Variants in C6 observed in about 807,000 individuals in gnomAD.
C6 encodes complement C6.
C6 carries 101 observed loss-of-function variants against 112.9 expected under a neutral mutation model. That is an observed-to-expected ratio of 0.89 (90% CI 0.76 to 1.06). C6 has a LOEUF of 1.06. C6 is among the 50% of genes least tolerant of loss of function. C6 has a pLI of 0.00. For missense variants in C6, 1,202 were observed against 1,104.6 expected, an observed-to-expected ratio of 1.09 and a Z score of -1.25; for synonymous variants, 431 against 384.1, an observed-to-expected ratio of 1.12 and a Z score of -1.43.
chr5:41,200,522 T>C (rs1425515135), intron 3 of C6, among the ~76,000 whole-genome samples: 3 of 152,166 alleles, frequency 2.0e-5, no homozygotes, highest in Non-Finnish European at 4.4e-5. Context: ...GAGCAATAAC[T>C]TTCTCATCTG....
chr5:41,143,530 C>T (rs1011507284), intron 17 of C6, among the ~76,000 whole-genome samples: 4 of 152,214 alleles, frequency 2.6e-5, no homozygotes, highest in Admixed American at 1.3e-4. Context: ...ACTGTGAAGC[C>T]ACACAATATG....
In C6 at chr5:41,155,091, A is replaced by G; in HGVS notation, c.1982T>C (p.Leu661Pro). Reference sequence around the variant, plus strand: ...TTCAACATCTTCTCCAACCAAGTATAGTTGCTTTTCATTCTTAATTAAAGC... The same window carrying G: ...TTCAACATCTTCTCCAACCAAGTATGGTTGCTTTTCATTCTTAATTAAAGC... ...ENGFIRNEKQLYLVGEDVEIS... is the reference protein window; with the variant it reads ...ENGFIRNEKQPYLVGEDVEIS... Residue 661 changes from leucine to proline, a missense_variant, in exon 14 of 18, where the codon CTA (leucine) becomes CCA (proline). Transcript: ENST00000337836. The G allele has an allele frequency of 6.2e-7, 1 of 1,613,572 alleles. No individual in the cohort carries two copies. Among genetic ancestry groups the G allele is most frequent in the South Asian group, 1.1e-5 (1 of 91,074 alleles).
chr5:41,243,266 T>A (rs1740838768), intron 1 of C6, among the ~76,000 whole-genome samples: 1 of 152,232 alleles, frequency 6.6e-6, no homozygotes, highest in Non-Finnish European at 1.5e-5. Flanking sequence ...TCACTTTACC[T>A]CCACACATTT....
chr5:41,187,859 T>C (rs887868646), intron 5 of C6, among the ~76,000 whole-genome samples: 2 of 152,102 alleles, frequency 1.3e-5, no homozygotes, highest in African/African-American at 4.8e-5. Context: ...ATACTATCTC[T>C]CCCATTTTTT....
At chr5:41,151,971 C>A (rs1746438738) in intron 15 of C6, among the ~76,000 whole-genome samples, 1 of 150,418 alleles carries the variant, frequency 6.6e-6, no homozygotes, top group East Asian at 1.9e-4. Context: ...AGCTATTAAT[C>A]CCTGCATGGC....
At chr5:41,159,443 C>T (rs1333581290) in intron 11 of C6, 190 bp from the exon 12 acceptor site, 1 of 985,096 alleles carries the variant, frequency 1.0e-6, no homozygotes, top group Non-Finnish European at 1.2e-6. Flanking sequence ...TCCTTTTAGA[C>T]TTTGTTCCCA....
intron 8 of C6, among the ~76,000 whole-genome samples, chr5:41,174,412 A>C (rs1748676757): frequency 6.6e-6 from 1 of 152,202 alleles, no homozygotes; most frequent in South Asian, 2.1e-4. Context: ...TGTTAGTTGA[A>C]AATTTCACAT....
At chr5:41,150,474 A>G (rs1322702087) in intron 15 of C6, among the ~76,000 whole-genome samples, 1 of 152,216 alleles carries the variant, frequency 6.6e-6, no homozygotes, top group East Asian at 1.9e-4. Flanking sequence ...TGCCTTTCTT[A>G]GGGCTATCAA....
At chr5:41,170,878 G>A (rs2150298226) in intron 9 of C6, among the ~76,000 whole-genome samples, 1 of 152,274 alleles carries the variant, frequency 6.6e-6, no homozygotes, top group Non-Finnish European at 1.5e-5. Flanking sequence ...GCAAGGCATA[G>A]GAGAGAGCAT....
At chr5:41,187,992 C>A (rs1433487638) in intron 5 of C6, among the ~76,000 whole-genome samples, 8 of 152,016 alleles carry the variant, frequency 5.3e-5, no homozygotes, top group Admixed American at 3.9e-4. Flanking sequence ...TAGCAATGAA[C>A]AATCCAAAAA....
In C6 at chr5:41,181,432, T is replaced by C; in HGVS notation, c.854A>G (p.Tyr285Cys). Reference protein sequence around the residue: ...GGSSFSVPIFYSSKRSENINH... With the variant: ...GGSSFSVPIFCSSKRSENINH... ...GATATTTTCACTTCTCTTTGAGGAA[T>C]AAAAAATTGGTACACTGAAAGAGCT... The change falls in exon 7 of 18, where the codon TAT (tyrosine) becomes TGT (cysteine). Residue 285 changes from tyrosine to cysteine, a missense_variant. Coordinates refer to ENST00000337836, the MANE Select transcript of C6 (RefSeq NM_000065.5). 6.2e-7 allele frequency: 1 copy of C among 1,613,770 alleles called. No individual in the cohort carries two copies. Among genetic ancestry groups the C allele is most frequent in the Non-Finnish European group, 8.5e-7 (1 of 1,179,816 alleles).
intron 17 of C6, among the ~76,000 whole-genome samples, chr5:41,143,259 G>T (rs1745516201): frequency 6.6e-6 from 1 of 152,110 alleles, no homozygotes; most frequent in South Asian, 2.1e-4. Context: ...GTATATAAGA[G>T]ACTAGAGGGC....
intron 1 of C6, among the ~76,000 whole-genome samples, chr5:41,255,376 A>G (rs1741630610): frequency 6.6e-6 from 1 of 150,894 alleles, no homozygotes; most frequent in Admixed American, 6.6e-5. Flanking sequence ...AAAAAAAGAT[A>G]AGAGTCTTAA....
Position 41,222,177 on chromosome 5 carries a change from A to C in C6, c.-20-18927T>G, listed in dbSNP as rs553072298. On this transcript the variant is annotated intron_variant, in intron 1 of 17. Transcript: ENST00000263413. ...AGAGACTCCATCTCAAAAAAAAAAA[A>C]CAAAAAAAAGAAAAGTAATTTTGTA... Among the ~76,000 whole-genome samples the C allele has an allele frequency of 4.2e-3, 635 of 150,756 alleles. 5 individuals are homozygous for C. The highest frequency in any genetic ancestry group is 0.015 in the African/African-American group (604 of 40,872).
chr5:41,233,314 G>C (rs961503794), intron 1 of C6, among the ~76,000 whole-genome samples: 1 of 152,064 alleles, frequency 6.6e-6, no homozygotes, highest in Admixed American at 6.6e-5. Flanking sequence ...AAAGATATGG[G>C]ATATGAAATG....
intron 1 of C6, among the ~76,000 whole-genome samples, chr5:41,207,843 T>C (rs1751563134): frequency 6.6e-6 from 1 of 152,034 alleles, no homozygotes; most frequent in African/African-American, 2.4e-5. Flanking sequence ...AACAAGGATA[T>C]CCAGGAATTG....
chr5:41,148,508 C>G (rs564216963), intron 17 of C6, among the ~76,000 whole-genome samples: 1 of 152,276 alleles, frequency 6.6e-6, no homozygotes, highest in African/African-American at 2.4e-5. Flanking sequence ...ATCATACTGG[C>G]TTTCTAATTT....
At chr5:41,260,482 C>T (rs1435003842) in intron 1 of C6, among the ~76,000 whole-genome samples, 1 of 144,946 alleles carries the variant, frequency 6.9e-6, no homozygotes, top group Non-Finnish European at 1.5e-5. Flanking sequence ...AATAAAAATG[C>T]TGCAACTGCT....
intron 1 of C6, among the ~76,000 whole-genome samples, chr5:41,254,235 A>C (rs1215531148): frequency 6.6e-6 from 1 of 152,090 alleles, no homozygotes; most frequent in Non-Finnish European, 1.5e-5. Flanking sequence ...CCCCATCTCT[A>C]CTAAAAATAC....
Sources: gnomAD v4.1 joint callset for allele counts (sites outside exome capture counted in the v4.1 genomes callset) on GRCh38, gnomAD v4.1.1 for gene constraint, MANE v1.5 for transcripts, NCBI Gene and HGNC (gene_info 2026-07-23, HGNC 2026-07-21) for gene names.